The following DNAH14 variants were observed in gnomAD, a reference collection of about 807,000 sequenced individuals.
DNAH14 encodes the protein dynein axonemal heavy chain 14, also known as axonemal beta dynein heavy chain 14.
In DNAH14, 478 loss-of-function variants were observed where a neutral mutation model predicts 520.9. That is an observed-to-expected ratio of 0.92 (90% CI 0.85 to 0.99). DNAH14 has a LOEUF of 0.99. DNAH14 is among the 50% of genes least tolerant of loss of function. DNAH14 has a pLI of 0.00. For missense variants in DNAH14, 4,831 were observed against 5,234.5 expected, an observed-to-expected ratio of 0.92 and a Z score of 2.38; for synonymous variants, 1,581 against 1,757.2, an observed-to-expected ratio of 0.90 and a Z score of 2.51.
rs112288245 is a variant in DNAH14, at chr1:225,186,595, A to G, written c.5670+1170A>G. On this transcript the variant is annotated intron_variant, in intron 37 of 85. Coordinates refer to ENST00000682510, the MANE Select transcript of DNAH14 (RefSeq NM_001367479.1). ...TAATAATCACCTAGAATAATAATAC[A>G]GTAAAATGTGAAAACGTATTACTGT... Among the ~76,000 whole-genome samples, 891 of 151,948 alleles carry G rather than the reference A, an allele frequency of 5.9e-3. 1 individual carries two copies. The highest frequency in any genetic ancestry group is 0.01 in the Non-Finnish European group (705 of 67,746).
chr1:225,364,733 A>T, intron 75 of DNAH14, 59 bp from the exon 76 acceptor site: 4 of 1,269,138 alleles, frequency 3.2e-6, no homozygotes, highest in Non-Finnish European at 4.3e-6. Context: ...CTATGATTCT[A>T]AAAACATGTT....
chr1:225,245,336 G>A (rs1450291353), intron 43 of DNAH14, among the ~76,000 whole-genome samples: 1 of 152,172 alleles, frequency 6.6e-6, no homozygotes, highest in Non-Finnish European at 1.5e-5. Flanking sequence ...TTGGGGTGGA[G>A]AGTTCTGTAG....
intron 3 of DNAH14, among the ~76,000 whole-genome samples, chr1:224,957,623 G>A (rs2125536721): frequency 6.6e-6 from 1 of 152,234 alleles, no homozygotes; most frequent in East Asian, 1.9e-4. Flanking sequence ...AGTGTGAGGT[G>A]TCACAGGACT....
intron 73 of DNAH14, chr1:225,354,338 T>C: frequency 1.5e-6 from 1 of 684,492 alleles, no homozygotes. Context: ...CTAAACCACA[T>C]CCACCAACAT....
intron 11 of DNAH14, among the ~76,000 whole-genome samples, chr1:225,037,229 A>G (rs2067051497): frequency 6.6e-6 from 1 of 152,100 alleles, no homozygotes; most frequent in South Asian, 2.1e-4. Flanking sequence ...TCTTATTATT[A>G]AATAAGGACT....
intron 28 of DNAH14, among the ~76,000 whole-genome samples, chr1:225,141,772 C>T (rs927124128): frequency 1.3e-5 from 2 of 152,132 alleles, no homozygotes; most frequent in Non-Finnish European, 2.9e-5. Flanking sequence ...AGAACATTTC[C>T]AGCCAGCTCC....
chr1:225,126,124 GCAGATCACCATAA>G (rs2077695661), intron 27 of DNAH14, among the ~76,000 whole-genome samples: 1 of 152,164 alleles, frequency 6.6e-6, no homozygotes, highest in Admixed American at 6.6e-5. Context: ...ATCATTAATT[GCAGATCACCATAA>G]CAGATATAAT....
chr1:225,179,942 C>T (rs2083773841), intron 36 of DNAH14, among the ~76,000 whole-genome samples: 1 of 152,036 alleles, frequency 6.6e-6, no homozygotes. Flanking sequence ...GATCCCACTG[C>T]CTCTGGCCTG....
chr1:225,244,015 G>A (rs1328377737), intron 43 of DNAH14, among the ~76,000 whole-genome samples: 1 of 152,068 alleles, frequency 6.6e-6, no homozygotes, highest in Non-Finnish European at 1.5e-5. Context: ...TTTGAGATGT[G>A]TTCAATCAAT....
chr1:225,133,119 T>G (rs1029904895), intron 27 of DNAH14, among the ~76,000 whole-genome samples: 1 of 152,184 alleles, frequency 6.6e-6, no homozygotes, highest in African/African-American at 2.4e-5. Context: ...TTCTGGGTAT[T>G]AGCCCTTTGT....
intron 1 of DNAH14, among the ~76,000 whole-genome samples, chr1:224,946,794 G>A (rs1387498124): frequency 1.4e-5 from 2 of 147,958 alleles, no homozygotes; most frequent in Non-Finnish European, 1.5e-5. Flanking sequence ...TATATTTGGT[G>A]TGAGTCAGGA....
chr1:225,222,438 C>G (rs1294092282), intron 41 of DNAH14, among the ~76,000 whole-genome samples: 2 of 152,096 alleles, frequency 1.3e-5, no homozygotes, highest in Non-Finnish European at 2.9e-5. Context: ...GTGGCACGGA[C>G]CCAAAGAGTG....
At chr1:225,213,449 G>A (rs2088775820) in intron 41 of DNAH14, among the ~76,000 whole-genome samples, 1 of 152,198 alleles carries the variant, frequency 6.6e-6, no homozygotes, top group East Asian at 1.9e-4. Flanking sequence ...TGAAGAAAGT[G>A]ATTGGTAGCT....
intron 79 of DNAH14, among the ~76,000 whole-genome samples, chr1:225,378,771 C>T (rs2095738174): frequency 6.6e-6 from 1 of 151,500 alleles, no homozygotes; most frequent in African/African-American, 2.4e-5. Flanking sequence ...ATCCCAGCTA[C>T]TCGGGAGGCT....
chr1:225,254,872 A>G (rs1485548282), intron 44 of DNAH14, among the ~76,000 whole-genome samples: 1 of 152,164 alleles, frequency 6.6e-6, no homozygotes, highest in Admixed American at 6.5e-5. Context: ...ACGCACCCAA[A>G]CCTATTGTTT....
chr1:225,183,586 A>C (rs955298471), intron 36 of DNAH14, among the ~76,000 whole-genome samples: 4 of 152,104 alleles, frequency 2.6e-5, no homozygotes, highest in South Asian at 4.1e-4. Context: ...AAGAAAATTG[A>C]GAGATTGAGA....
chr1:225,176,496 T>C (rs1259651349), intron 36 of DNAH14, among the ~76,000 whole-genome samples: 1 of 152,216 alleles, frequency 6.6e-6, no homozygotes, highest in African/African-American at 2.4e-5. Flanking sequence ...GTTTCTTTAT[T>C]TTCTGTCTAT....
At chr1:225,348,021 CAT>C (rs2095312886) in intron 71 of DNAH14, among the ~76,000 whole-genome samples, 1 of 151,932 alleles carries the variant, frequency 6.6e-6, no homozygotes, top group Admixed American at 6.6e-5. Flanking sequence ...TCAGCAAAGA[CAT>C]AAAAACTATA....
chr1:225,158,853 G>A (rs2081283597), intron 34 of DNAH14, among the ~76,000 whole-genome samples: 1 of 152,296 alleles, frequency 6.6e-6, no homozygotes, highest in South Asian at 2.1e-4. Flanking sequence ...GTATTGGTAT[G>A]ACAGTCACTG....
Sources: gnomAD v4.1 joint callset for allele counts (sites outside exome capture counted in the v4.1 genomes callset) on GRCh38, gnomAD v4.1.1 for gene constraint, MANE v1.5 for transcripts, NCBI Gene and HGNC (gene_info 2026-07-23, HGNC 2026-07-21) for gene names.